The following FHIT variants were observed in gnomAD, a reference collection of about 807,000 sequenced individuals.
FHIT encodes fragile histidine triad diadenosine triphosphatase.
A neutral mutation model predicts 17.9 loss-of-function variants in FHIT; 19 were observed. That is an observed-to-expected ratio of 1.06 (90% confidence interval 0.74 to 1.56). The LOEUF is 1.56. FHIT is among the 40% of genes most tolerant of loss of function. The pLI is 0.00. For synonymous variants in FHIT, 81 were observed against 69.7 expected, an observed-to-expected ratio of 1.16 and a Z score of -0.81; for missense variants, 248 against 189.2, an observed-to-expected ratio of 1.31 and a Z score of -1.82.
At chr3:60,975,185 G>A (rs1710183749) in intron 3 of FHIT, among the ~76,000 whole-genome samples, 1 of 152,180 alleles carries the variant, frequency 6.6e-6, no homozygotes, top group Non-Finnish European at 1.5e-5. Flanking sequence ...TAGGAGGAAA[G>A]TAAAATGTGC....
intron 5 of FHIT, among the ~76,000 whole-genome samples, chr3:60,290,656 T>C (rs1430371034): frequency 6.6e-6 from 1 of 152,104 alleles, no homozygotes; most frequent in African/African-American, 2.4e-5. Flanking sequence ...ATGAAACCAT[T>C]TTTTTCTAGT....
At chr3:59,788,365 G>A (rs1385764241) in intron 8 of FHIT, among the ~76,000 whole-genome samples, 1 of 152,138 alleles carries the variant, frequency 6.6e-6, no homozygotes, top group East Asian at 1.9e-4. Context: ...GCTGTATCCA[G>A]GGCAGAAAGT....
intron 4 of FHIT, among the ~76,000 whole-genome samples, chr3:60,704,737 G>T (rs1205253299): frequency 2.0e-5 from 3 of 152,082 alleles, no homozygotes; most frequent in African/African-American, 7.2e-5. Context: ...TTCTGTCAGG[G>T]TCATACCTTC....
intron 8 of FHIT, among the ~76,000 whole-genome samples, chr3:59,874,339 G>A (rs992694611): frequency 3.3e-5 from 5 of 152,182 alleles, no homozygotes; most frequent in Non-Finnish European, 7.4e-5. Context: ...GTTCAAAAAA[G>A]TTAAAAATTG....
At chr3:60,290,139 C>G (rs1707914580) in intron 5 of FHIT, among the ~76,000 whole-genome samples, 2 of 152,086 alleles carry the variant, frequency 1.3e-5, no homozygotes, top group Non-Finnish European at 2.9e-5. Context: ...TGACACCAGG[C>G]CCCTCTGTGT....
At chr3:61,144,565 A>G (rs148220227) in intron 2 of FHIT, among the ~76,000 whole-genome samples, 151 of 152,322 alleles carry the variant, frequency 9.9e-4, no homozygotes, top group African/African-American at 3.4e-3. Context: ...CTAGGAAGGT[A>G]TAGAATTGCT....
At chr3:59,976,692 T>G (rs940182104) in intron 7 of FHIT, among the ~76,000 whole-genome samples, 3 of 152,106 alleles carry the variant, frequency 2.0e-5, no homozygotes, top group African/African-American at 7.2e-5. Flanking sequence ...GATATTTGCC[T>G]TAGCACTTTC....
At chr3:59,987,028 TA>T (rs1391333856) in intron 7 of FHIT, among the ~76,000 whole-genome samples, 2 of 109,022 alleles carry the variant, frequency 1.8e-5, no homozygotes. Context: ...AATAAAAATA[TA>T]AAATATATAA....
chr3:61,014,040 A>G (rs1221833357), intron 3 of FHIT, among the ~76,000 whole-genome samples: 1 of 152,144 alleles, frequency 6.6e-6, no homozygotes, highest in Non-Finnish European at 1.5e-5. Context: ...AGATGAGAAG[A>G]ATCACAGGAA....
At chr3:59,879,320 C>T (rs1207059008) in intron 8 of FHIT, among the ~76,000 whole-genome samples, 1 of 152,198 alleles carries the variant, frequency 6.6e-6, no homozygotes, top group Non-Finnish European at 1.5e-5. Context: ...CAAGCCAGAA[C>T]ATGAGGATAC....
chr3:60,404,632 G>A (rs781057593), intron 5 of FHIT, among the ~76,000 whole-genome samples: 1 of 152,114 alleles, frequency 6.6e-6, no homozygotes, highest in Non-Finnish European at 1.5e-5. Flanking sequence ...GAGACTATAG[G>A]CTTCAAAAGA....
chr3:60,111,234 T>G (rs1704656413), intron 5 of FHIT, among the ~76,000 whole-genome samples: 1 of 152,200 alleles, frequency 6.6e-6, no homozygotes, highest in African/African-American at 2.4e-5. Context: ...TTAGAGAAAT[T>G]CACTTATAAA....
chr3:60,043,982 G>A (rs550625164), intron 5 of FHIT, among the ~76,000 whole-genome samples: 2 of 152,190 alleles, frequency 1.3e-5, no homozygotes, highest in African/African-American at 4.8e-5. Flanking sequence ...ACATCTACTC[G>A]ACCCTAAAAC....
chr3:59,995,985 G>C (rs1302126169), intron 7 of FHIT, among the ~76,000 whole-genome samples: 2 of 152,088 alleles, frequency 1.3e-5, no homozygotes, highest in South Asian at 2.1e-4. Flanking sequence ...TGAAGAAGAA[G>C]AGAGTGAGAT....
intron 5 of FHIT, among the ~76,000 whole-genome samples, chr3:60,031,724 A>G (rs115315688): frequency 0.015 from 2,216 of 152,284 alleles, 59 homozygotes; most frequent in African/African-American, 0.051. Context: ...ATCAACAGGT[A>G]ATTTGGGGCT....
intron 5 of FHIT, among the ~76,000 whole-genome samples, chr3:60,018,732 C>G (rs1033864489): frequency 6.6e-6 from 1 of 152,202 alleles, no homozygotes; most frequent in South Asian, 2.1e-4. Flanking sequence ...AATCCCAGCA[C>G]TTTGGGAGGC....
At chr3:60,517,486 C>T (rs183802769) in intron 5 of FHIT, among the ~76,000 whole-genome samples, 9 of 152,266 alleles carry the variant, frequency 5.9e-5, no homozygotes, top group Middle Eastern at 3.4e-3. Context: ...AAACTACAGG[C>T]GGCTGACCCA....
Position 60,433,960 on chromosome 3 carries a change from G to A in FHIT, c.103+102900C>T, listed in dbSNP as rs996110055. ...GTCTATTTTTGGTGCCTGTGATTTC[G>A]GTGTCCTATCCAAGAAATTATTGCC... On this transcript the variant is annotated intron_variant, in intron 5 of 9. Coordinates refer to ENST00000492590, the MANE Select transcript of FHIT (RefSeq NM_002012.4). Among the ~76,000 whole-genome samples the A allele has an allele frequency of 6.6e-5, 10 of 152,104 alleles. No homozygotes were observed. In the Middle Eastern group the frequency reaches 0.01, roughly 155 times the overall value.
chr3:61,062,188 T>C (rs2034452259), intron 2 of FHIT, among the ~76,000 whole-genome samples: 1 of 152,134 alleles, frequency 6.6e-6, no homozygotes. Context: ...CCAATCCAAG[T>C]ATAATATTTT....
Sources: allele counts gnomAD v4.1 joint callset (sites outside exome capture counted in the v4.1 genomes callset), GRCh38; gene constraint gnomAD v4.1.1; transcripts MANE v1.5; gene names NCBI Gene and HGNC (gene_info 2026-07-23, HGNC 2026-07-21).